The following CMTM3 variants were observed in gnomAD, a reference collection of about 807,000 sequenced individuals.
The protein encoded by CMTM3 is CKLF like MARVEL transmembrane domain containing 3, also known as CKLF-like MARVEL transmembrane domain-containing protein 3.
In CMTM3, 7 loss-of-function variants were observed where a neutral mutation model predicts 18.2. The observed-to-expected ratio is 0.38, with a 90% CI of 0.22 to 0.72. The LOEUF (loss-of-function observed/expected upper bound fraction) is 0.72. CMTM3 is among the 30% of genes least tolerant of loss of function. The pLI is 0.46. For missense variants in CMTM3, 227 were observed against 249.2 expected (o/e 0.91, Z 0.60); for synonymous variants, 109 against 111.2 (o/e 0.98, Z 0.12).
At chr16:66,607,219 T>TG (rs2015191790) in intron 1 of CMTM3, among the ~76,000 whole-genome samples, 1 of 152,218 alleles carries the variant, frequency 6.6e-6, no homozygotes, top group Non-Finnish European at 1.5e-5. Flanking sequence ...GCAGCGTACC[T>TG]GGGCTGCAGG....
In CMTM3 at chr16:66,610,148, C is replaced by T; in HGVS notation, c.520+145C>T. The T allele has an allele frequency of 2.0e-6, 2 of 1,014,340 alleles. No individual in the cohort carries two copies. The highest frequency in any genetic ancestry group is 1.6e-5 in the African/African-American group (1 of 62,566). The allele number at this position is 1,014,340 out of a possible 1,614,324, so 62.8% of individuals were successfully genotyped here. ...TTTTCACAGCCCATTCTCACCTACC[C>T]TCATGCAGCACTGATCCAAAGCCAG... On this transcript the variant is annotated intron_variant, in intron 4 of 4. Coordinates refer to ENST00000567572, the MANE Select transcript of CMTM3 (RefSeq NM_181553.4). The surrounding 1 kb of genome is among the most constrained non-coding windows in gnomAD (Gnocchi z 4.6).
At position 66,609,359 on chromosome 16, in the gene CMTM3, G is replaced by T; in HGVS notation, c.304-76G>T. 1.5e-6 allele frequency: 2 copies of T among 1,333,346 alleles called. No individual in the cohort carries two copies. Among genetic ancestry groups the T allele is most frequent in the South Asian group, 1.2e-5 (1 of 80,850 alleles). The allele number at this position is 1,333,346 out of a possible 1,614,324, so 82.6% of individuals were successfully genotyped here. ...GTGCTAGGCCTGGGGCTGGGAACAC[G>T]ACCAGGCTGCCAGGCCTCCTCCCCA... On this transcript the variant is annotated intron_variant, in intron 2 of 4. Coordinates refer to ENST00000567572, the MANE Select transcript of CMTM3 (RefSeq NM_181553.4). This position sits in a 1 kb window ranked among gnomAD's most constrained non-coding sequence, Gnocchi z 4.4.
At chr16:66,607,042 T>A (rs2015184229) in intron 1 of CMTM3, among the ~76,000 whole-genome samples, 1 of 152,046 alleles carries the variant, frequency 6.6e-6, no homozygotes, top group African/African-American at 2.4e-5. Flanking sequence ...CAGCCCTGGG[T>A]TCAAATTCTA....
In CMTM3 at chr16:66,613,180, G is replaced by A. The variant is rs182652960; in HGVS notation, c.*543G>A. ...CAGTTCCCTCTTCATTCTTGAAGCA[G>A]GGAGAAATTGACCTTTGCCTTGTCG... On this transcript the variant is annotated 3_prime_UTR_variant, in exon 5 of 5. Coordinates refer to ENST00000567572, the MANE Select transcript of CMTM3 (RefSeq NM_181553.4). The A allele has an allele frequency of 2.2e-4, 152 of 701,348 alleles. No individual in the cohort carries two copies. The East Asian group carries it at 3.3e-3, about 15-fold the overall frequency. The allele number at this position is 701,348 out of a possible 1,614,324, so 43.4% of individuals were successfully genotyped here.
chr16:66,612,463 C>T lies in CMTM3; in HGVS notation c.521-146C>T. The T allele has an allele frequency of 1.3e-6, 1 of 744,170 alleles. No individual in the cohort carries two copies. Among genetic ancestry groups the T allele is most frequent in the Non-Finnish European group, 2.2e-6 (1 of 447,212 alleles). 46.1% of individuals were successfully genotyped at this position (744,170 alleles called of 1,614,324 possible). A position where few individuals can be genotyped will look rare whatever the true frequency, so the allele number is the denominator to read the frequency against. ...TCAGGCCCGCGGCCTGCCCTGATGC[C>T]AGCGATCACTGGGAACGGTAGAGTC... On this transcript the variant is annotated intron_variant, in intron 4 of 4. Transcript: ENST00000567572. This position sits in a 1 kb window ranked among gnomAD's most constrained non-coding sequence, Gnocchi z 6.0.
upstream of CMTM3, chr16:66,604,540 C>A (rs1189686857): frequency 1.0e-5 from 3 of 293,266 alleles, no homozygotes; most frequent in South Asian, 4.9e-4. Context: ...CGGCCCGAAC[C>A]AGGGTGAAGA....
chr16:66,604,667 G>A (rs1312326694), upstream of CMTM3: 3 of 607,530 alleles, frequency 4.9e-6, no homozygotes, highest in African/African-American at 1.9e-5. Flanking sequence ...GGGGCGGGGC[G>A]GGGCGTGGCG....
chr16:66,612,334 C>T lies in CMTM3; in HGVS notation c.521-275C>T, dbSNP rs988971125. Among the ~76,000 whole-genome samples, 6 of 152,096 alleles carry T rather than the reference C, an allele frequency of 3.9e-5. No individual in the cohort carries two copies. Among genetic ancestry groups the T allele is most frequent in the Non-Finnish European group, 7.4e-5 (5 of 67,998 alleles). On this transcript the variant is annotated intron_variant, in intron 4 of 4. Transcript: ENST00000567572. This position sits in a 1 kb window ranked among gnomAD's most constrained non-coding sequence, Gnocchi z 6.0. ...AAGTTGCAGTGAGTCGAGATCCCGC[C>T]ATTGCACTCCAGCCTGGGTGATGAG...
Position 66,612,850 on chromosome 16 carries a change from C to T in CMTM3, c.*213C>T. On this transcript the variant is annotated 3_prime_UTR_variant, in exon 5 of 5. Coordinates refer to ENST00000567572, the MANE Select transcript of CMTM3 (RefSeq NM_181553.4). This position sits in a 1 kb window ranked among gnomAD's most constrained non-coding sequence, Gnocchi z 6.0. ...CTGTTGACCACGCTGCGTATGAGGG[C>T]ATCTTGGGTATCCCACTCCTTCTCC... 1.6e-6 allele frequency: 1 copy of T among 610,984 alleles called. No individual in the cohort carries two copies. Among genetic ancestry groups the T allele is most frequent in the Non-Finnish European group, 2.9e-6 (1 of 341,706 alleles). 37.8% of individuals were successfully genotyped at this position (610,984 alleles called of 1,614,324 possible). A position where few individuals can be genotyped will look rare whatever the true frequency, so the allele number is the denominator to read the frequency against.
In CMTM3 at chr16:66,613,181, G is replaced by A; in HGVS notation, c.*544G>A. On this transcript the variant is annotated 3_prime_UTR_variant, in exon 5 of 5. Transcript: ENST00000567572. ...AGTTCCCTCTTCATTCTTGAAGCAG[G>A]GAGAAATTGACCTTTGCCTTGTCGC... 1 of 701,306 alleles carries A rather than the reference G, an allele frequency of 1.4e-6. No homozygotes were observed. The highest frequency in any genetic ancestry group is 2.6e-6 in the Non-Finnish European group (1 of 384,072). The allele number at this position is 701,306 out of a possible 1,614,324, so 43.4% of individuals were successfully genotyped here. A position where few individuals can be genotyped will look rare whatever the true frequency, so the allele number is the denominator to read the frequency against.
chr16:66,605,138 C>CGG lies in CMTM3; in HGVS notation c.147+189_147+190dup. 1 of 503,674 alleles carries CGG rather than the reference C, an allele frequency of 2.0e-6. No individual in the cohort carries two copies. Among genetic ancestry groups the CGG allele is most frequent in the Admixed American group, 4.6e-5 (1 of 21,936 alleles). The allele number at this position is 503,674 out of a possible 1,614,324, so 31.2% of individuals were successfully genotyped here. ...GTCGAGGTCCCCAAACTTTGGACGGCGGGGCGGGGCCCGAGCCCAGGCCAT... is the reference window on the plus strand; with the variant it reads ...GTCGAGGTCCCCAAACTTTGGACGGCGGGGGGCGGGGCCCGAGCCCAGGCCAT... On this transcript the variant is annotated intron_variant, in intron 1 of 4. Coordinates refer to ENST00000567572, the MANE Select transcript of CMTM3 (RefSeq NM_181553.4). This position sits in a 1 kb window ranked among gnomAD's most constrained non-coding sequence, Gnocchi z 4.6.
Position 66,608,023 on chromosome 16 carries a change from T to G in CMTM3, c.148-286T>G, listed in dbSNP as rs1021654292. 2.0e-5 allele frequency among the ~76,000 whole-genome samples: 3 copies of G among 152,052 alleles called. No individual in the cohort carries two copies. Among genetic ancestry groups the G allele is most frequent in the Non-Finnish European group, 4.4e-5 (3 of 67,994 alleles). ...ACCATGCCCGGCTAATTTTTGTATATTTTGCCGAGATGAGGTTTTGCCATG... is the reference window on the plus strand; with the variant it reads ...ACCATGCCCGGCTAATTTTTGTATAGTTTGCCGAGATGAGGTTTTGCCATG... On this transcript the variant is annotated intron_variant, in intron 1 of 4. Transcript: ENST00000567572. This position sits in a 1 kb window ranked among gnomAD's most constrained non-coding sequence, Gnocchi z 5.1.
rs186773859 is a variant in CMTM3 at position 66,605,419 on chromosome 16, G to C, written c.147+467G>C. The stretch of plus-strand genomic sequence containing the variant: ...GGAGCGGGAGGGATCCCCCACCCCC[G>C]GGACTGGGTGAGGCGGCCCCGCGGT... On this transcript the variant is annotated intron_variant, in intron 1 of 4. Coordinates refer to ENST00000567572, the MANE Select transcript of CMTM3 (RefSeq NM_181553.4). This position sits in a 1 kb window ranked among gnomAD's most constrained non-coding sequence, Gnocchi z 4.6. 2 of 153,632 alleles carry C rather than the reference G, an allele frequency of 1.3e-5. No individual in the cohort carries two copies. Among genetic ancestry groups the C allele is most frequent in the Non-Finnish European group, 2.9e-5 (2 of 69,038 alleles). The allele number at this position is 153,632 out of a possible 1,614,324, so 9.5% of individuals were successfully genotyped here. A position where few individuals can be genotyped will look rare whatever the true frequency, so the allele number is the denominator to read the frequency against.
rs1234095820 is a variant in CMTM3 at position 66,608,111 on chromosome 16, G to C, written c.148-198G>C. On this transcript the variant is annotated intron_variant, in intron 1 of 4. Transcript: ENST00000567572. This position sits in a 1 kb window ranked among gnomAD's most constrained non-coding sequence, Gnocchi z 5.1. ...TCCACCTGCCTGGGCCTCTCAAAGT[G>C]CTAGGATTACAGGTGTGAGCCACTG... Among the ~76,000 whole-genome samples, 1 of 152,172 alleles carries C rather than the reference G, an allele frequency of 6.6e-6. No homozygotes were observed. The highest frequency in any genetic ancestry group is 2.4e-5 in the African/African-American group (1 of 41,440).
rs977090071 is a variant in CMTM3 at position 66,609,157 on chromosome 16, A to G, written c.304-278A>G. 1.3e-5 allele frequency among the ~76,000 whole-genome samples: 2 copies of G among 151,506 alleles called. No individual in the cohort carries two copies. The highest frequency in any genetic ancestry group is 4.9e-5 in the African/African-American group (2 of 41,194). On this transcript the variant is annotated intron_variant, in intron 2 of 4. Coordinates refer to ENST00000567572, the MANE Select transcript of CMTM3 (RefSeq NM_181553.4). The surrounding 1 kb of genome is among the most constrained non-coding windows in gnomAD (Gnocchi z 4.4). Reference sequence around the variant, plus strand: ...TGTTTCCAACTTCTGCTTCCACCGCATCGCAGGGCAGGCTGCACCCTGATC... The same window carrying G: ...TGTTTCCAACTTCTGCTTCCACCGCGTCGCAGGGCAGGCTGCACCCTGATC...
At position 66,612,578 on chromosome 16, in the gene CMTM3, C is replaced by G; in HGVS notation, c.521-31C>G. 1 of 1,613,360 alleles carries G rather than the reference C, an allele frequency of 6.2e-7. No individual in the cohort carries two copies. Among genetic ancestry groups the G allele is most frequent in the South Asian group, 1.1e-5 (1 of 90,882 alleles). ...CCCAGGCACCGCTGCCCTGAGCCTC[C>G]TGCCAAGCATCCTCTCTGCTTTCCT... On this transcript the variant is annotated intron_variant, in intron 4 of 4. Coordinates refer to ENST00000567572, the MANE Select transcript of CMTM3 (RefSeq NM_181553.4). This position sits in a 1 kb window ranked among gnomAD's most constrained non-coding sequence, Gnocchi z 6.0.
chr16:66,604,921 C>T lies in CMTM3; in HGVS notation c.116C>T (p.Ser39Phe), dbSNP rs1272913749. The T allele has an allele frequency of 2.0e-6, 3 of 1,493,878 alleles. No individual in the cohort carries two copies. The highest frequency in any genetic ancestry group is 2.7e-6 in the Non-Finnish European group (3 of 1,131,692). 92.5% of individuals were successfully genotyped at this position (1,493,878 alleles called of 1,614,324 possible). A position where few individuals can be genotyped will look rare whatever the true frequency, so the allele number is the denominator to read the frequency against. ...ALLPARAFLC[S>F]LKGRLLLAES... ...CTGCCGGCGCGGGCTTTCCTCTGCT[C>T]TCTCAAAGGCCGCCTCCTGCTGGCC... Residue 39 changes from serine (S) to phenylalanine (F), a missense_variant, in exon 1 of 5, where the codon TCT becomes TTT. Coordinates refer to ENST00000567572, the MANE Select transcript of CMTM3 (RefSeq NM_181553.4).
In CMTM3 at chr16:66,613,472, C is replaced by T. The variant is rs556936770; in HGVS notation, c.*835C>T. The T allele has an allele frequency of 3.6e-6, 1 of 278,414 alleles. No individual in the cohort carries two copies. Among genetic ancestry groups the T allele is most frequent in the South Asian group, 7.9e-5 (1 of 12,586 alleles). 17.2% of individuals were successfully genotyped at this position (278,414 alleles called of 1,614,324 possible). ...CCCTCAGGACAGTGAACTTCCAGACCTCAGGGCAGGTCTATGGGCCACTGC... is the reference window on the plus strand; with the variant it reads ...CCCTCAGGACAGTGAACTTCCAGACTTCAGGGCAGGTCTATGGGCCACTGC... On this transcript the variant is annotated 3_prime_UTR_variant, in exon 5 of 5. Coordinates refer to ENST00000567572, the MANE Select transcript of CMTM3 (RefSeq NM_181553.4).
Position 66,609,629 on chromosome 16 carries a change from C to A in CMTM3, c.399+99C>A, listed in dbSNP as rs1328059450. 6.6e-7 allele frequency: 1 copy of A among 1,514,394 alleles called. No homozygotes were observed. The highest frequency in any genetic ancestry group is 1.4e-5 in the African/African-American group (1 of 72,412). 93.8% of individuals were successfully genotyped at this position (1,514,394 alleles called of 1,614,324 possible). On this transcript the variant is annotated intron_variant, in intron 3 of 4. Coordinates refer to ENST00000567572, the MANE Select transcript of CMTM3 (RefSeq NM_181553.4). The surrounding 1 kb of genome is among the most constrained non-coding windows in gnomAD (Gnocchi z 4.4). ...AGAGCCTTTCCCTGCTGGGGCCCCC[C>A]TGGGGTCTCATGTGGGTCCCGATGA...
Sources: gnomAD v4.1 joint callset for allele counts (sites outside exome capture counted in the v4.1 genomes callset) on GRCh38, gnomAD v4.1.1 for gene constraint, Gnocchi (gnomAD v3.1) non-coding constraint, MANE v1.5 for transcripts, NCBI Gene and HGNC (gene_info 2026-07-23, HGNC 2026-07-21) for gene names.